Variants in RALGAPA2 observed in about 807,000 individuals in gnomAD.
RALGAPA2 encodes Ral GTPase activating protein catalytic subunit alpha 2, also known as ral GTPase-activating protein subunit alpha-2.
RALGAPA2 carries 139 observed loss-of-function variants against 230.4 expected under a neutral mutation model. The ratio of observed to expected loss-of-function variants is 0.60; its 90% CI spans 0.53 to 0.69. The LOEUF is 0.69. Among genes scored for constraint, RALGAPA2 ranks in the 30% least tolerant of loss-of-function variants. RALGAPA2 has a pLI of 0.00. For synonymous variants in RALGAPA2, 847 were observed against 837.8 expected, an observed-to-expected ratio of 1.01 and a Z score of -0.19; for missense variants, 2,163 against 2,276.0, an observed-to-expected ratio of 0.95 and a Z score of 1.01.
intron 38 of RALGAPA2, among the ~76,000 whole-genome samples, chr20:20,402,667 C>T (rs2059870364): frequency 6.6e-6 from 1 of 152,336 alleles, no homozygotes; most frequent in South Asian, 2.1e-4. Flanking sequence ...TGTTCATTCA[C>T]CAGACACATA....
chr20:20,687,745 G>A (rs2068758203), intron 1 of RALGAPA2, among the ~76,000 whole-genome samples: 1 of 152,200 alleles, frequency 6.6e-6, no homozygotes, highest in Non-Finnish European at 1.5e-5. Flanking sequence ...TGGTGCAGAA[G>A]AAGAAACTCA....
chr20:20,648,536 A>AT (rs143260006), intron 4 of RALGAPA2, among the ~76,000 whole-genome samples: 69 of 150,446 alleles, frequency 4.6e-4, no homozygotes, highest in African/African-American at 1.4e-3. Context: ...CCCCATAAAT[A>AT]TTTTTTTTTT....
At chr20:20,573,535 C>T (rs1020970929) in intron 20 of RALGAPA2, among the ~76,000 whole-genome samples, 1 of 152,162 alleles carries the variant, frequency 6.6e-6, no homozygotes, top group Non-Finnish European at 1.5e-5. Flanking sequence ...GCAACTGTTG[C>T]CATAAACTGC....
chr20:20,483,565 A>C (rs2061833091), intron 36 of RALGAPA2, among the ~76,000 whole-genome samples: 1 of 152,138 alleles, frequency 6.6e-6, no homozygotes, highest in Admixed American at 6.5e-5. Context: ...CTCAATCTGT[A>C]CGACACCTGT....
intron 37 of RALGAPA2, among the ~76,000 whole-genome samples, chr20:20,442,882 G>A (rs934040877): frequency 1.3e-5 from 2 of 152,200 alleles, no homozygotes; most frequent in Admixed American, 6.5e-5. Context: ...TGCACGAACT[G>A]AACCCAATTT....
chr20:20,389,979 T>C lies in RALGAPA2; in HGVS notation c.*3310A>G, dbSNP rs1214914591. 6.6e-6 allele frequency: 1 copy of C among 152,238 alleles called. No homozygotes were observed. Among genetic ancestry groups the C allele is most frequent in the East Asian group, 1.9e-4 (1 of 5,206 alleles). 9.4% of individuals were successfully genotyped at this position (152,238 alleles called of 1,614,324 possible). On this transcript the variant is annotated 3_prime_UTR_variant, in exon 40 of 40. Coordinates refer to ENST00000202677, the MANE Select transcript of RALGAPA2 (RefSeq NM_020343.4). ...AAACATTCACTTCATGTGTATGTCA[T>C]ATGGACAGACTGAGTGCAACTAAAA...
intron 38 of RALGAPA2, among the ~76,000 whole-genome samples, chr20:20,403,765 A>G (rs535085430): frequency 6.6e-6 from 1 of 152,320 alleles, no homozygotes; most frequent in East Asian, 1.9e-4. Flanking sequence ...TCTGGGATGC[A>G]CGCTGACTGC....
At chr20:20,491,445 T>G (rs770227670) in intron 36 of RALGAPA2, among the ~76,000 whole-genome samples, 3 of 152,190 alleles carry the variant, frequency 2.0e-5, no homozygotes, top group African/African-American at 4.8e-5. Flanking sequence ...CAGTCACTAC[T>G]ATGCCTGGAA....
At position 20,712,537 on chromosome 20, in the gene RALGAPA2, A is replaced by T; in HGVS notation, c.-57T>A. 6.6e-7 allele frequency: 1 copy of T among 1,509,218 alleles called. No homozygotes were observed. 93.5% of individuals were successfully genotyped at this position (1,509,218 alleles called of 1,614,324 possible). A position where few individuals can be genotyped will look rare whatever the true frequency, so the allele number is the denominator to read the frequency against. ...GGGCAGTAGGCGCCTGCGCCACGCG[A>T]ATCAAAGCATAGGGTCGAGGCCGGC... On this transcript the variant is annotated 5_prime_UTR_variant, in exon 1 of 40. Transcript: ENST00000202677. This position sits in a 1 kb window ranked among gnomAD's most constrained non-coding sequence, Gnocchi z 5.5.
intron 27 of RALGAPA2, among the ~76,000 whole-genome samples, chr20:20,528,926 C>A (rs781306756): frequency 9.9e-5 from 15 of 152,202 alleles, no homozygotes; most frequent in Non-Finnish European, 2.2e-4. Context: ...TCCCTCCTGG[C>A]AGAGCCCCAA....
At chr20:20,419,864 G>GC (rs1357053331) in intron 37 of RALGAPA2, among the ~76,000 whole-genome samples, 1 of 152,160 alleles carries the variant, frequency 6.6e-6, no homozygotes, top group Non-Finnish European at 1.5e-5. Context: ...TGTATTGAGT[G>GC]CCCCCCTGTG....
intron 34 of RALGAPA2, among the ~76,000 whole-genome samples, chr20:20,504,651 G>A (rs1362377280): frequency 1.3e-5 from 2 of 152,174 alleles, no homozygotes; most frequent in African/African-American, 2.4e-5. Flanking sequence ...GCTGGAACCC[G>A]GGAGGTGGAG....
At chr20:20,448,106 G>A (rs913376012) in intron 37 of RALGAPA2, among the ~76,000 whole-genome samples, 1 of 152,132 alleles carries the variant, frequency 6.6e-6, no homozygotes, top group Admixed American at 6.5e-5. Context: ...TCCCCAGTTT[G>A]GATGGGGGTA....
At chr20:20,510,071 A>G (rs1452960965) in intron 33 of RALGAPA2, among the ~76,000 whole-genome samples, 1 of 152,224 alleles carries the variant, frequency 6.6e-6, no homozygotes, top group African/African-American at 2.4e-5. Flanking sequence ...GGTTTCGATC[A>G]AAACTCTAAA....
intron 37 of RALGAPA2, among the ~76,000 whole-genome samples, chr20:20,468,471 T>C (rs2061468771): frequency 6.6e-6 from 1 of 152,202 alleles, no homozygotes; most frequent in Admixed American, 6.5e-5. Context: ...TCTGATATGT[T>C]TTAACATCTT....
chr20:20,492,040 G>A (rs189023808), intron 36 of RALGAPA2, among the ~76,000 whole-genome samples: 6 of 152,204 alleles, frequency 3.9e-5, no homozygotes, highest in South Asian at 2.1e-4. Flanking sequence ...ATGAAAAAGC[G>A]AAATATGTTA....
chr20:20,597,280 CT>C (rs35859789), intron 16 of RALGAPA2, among the ~76,000 whole-genome samples: 1 of 152,004 alleles, frequency 6.6e-6, no homozygotes, highest in Admixed American at 6.6e-5. Context: ...CAAACAATAG[CT>C]TTTTTTGAAA....
intron 37 of RALGAPA2, among the ~76,000 whole-genome samples, chr20:20,466,140 C>A (rs533523069): frequency 2.6e-5 from 4 of 152,202 alleles, no homozygotes; most frequent in Non-Finnish European, 4.4e-5. Flanking sequence ...CTGTGGTGAC[C>A]GTGACAGCAC....
intron 10 of RALGAPA2, among the ~76,000 whole-genome samples, chr20:20,625,082 T>C (rs2066449681): frequency 6.6e-6 from 1 of 152,192 alleles, no homozygotes; most frequent in Non-Finnish European, 1.5e-5. Context: ...TGTCTGCCTA[T>C]TGGTCTATAC....
Sources: gnomAD v4.1 joint callset for allele counts (sites outside exome capture counted in the v4.1 genomes callset) on GRCh38, gnomAD v4.1.1 for gene constraint, Gnocchi (gnomAD v3.1) non-coding constraint, MANE v1.5 for transcripts, NCBI Gene and HGNC (gene_info 2026-07-23, HGNC 2026-07-21) for gene names.